The following ADGRL3 variants were observed in gnomAD, a reference collection of about 807,000 sequenced individuals.
ADGRL3 encodes the protein adhesion G protein-coupled receptor L3, also known as calcium-independent alpha-latrotoxin receptor 3.
In ADGRL3, 62 loss-of-function variants were observed where a neutral mutation model predicts 153.5. The ratio of observed to expected loss-of-function variants is 0.40; its 90% CI spans 0.33 to 0.50. ADGRL3 has a LOEUF of 0.50. Ranked by LOEUF, ADGRL3 falls within the 20% of genes least tolerant of loss-of-function variation. ADGRL3 has a pLI of 0.47. For synonymous variants in ADGRL3, 710 were observed against 672.5 expected, an observed-to-expected ratio of 1.06 and a Z score of -0.86; for missense variants, 1,641 against 1,859.4, an observed-to-expected ratio of 0.88 and a Z score of 2.16.
intron 1 of ADGRL3, among the ~76,000 whole-genome samples, chr4:61,323,861 C>T (rs974413137): frequency 6.6e-6 from 1 of 152,170 alleles, no homozygotes; most frequent in Non-Finnish European, 1.5e-5. Flanking sequence ...TCAGCAATGC[C>T]CCACTCCTGG....
At chr4:61,429,623 A>G (rs372095182) in intron 2 of ADGRL3, among the ~76,000 whole-genome samples, 82 of 152,202 alleles carry the variant, frequency 5.4e-4, no homozygotes, top group Middle Eastern at 3.4e-3. Context: ...AGCTCTATAA[A>G]TTTTCATGTA....
At chr4:61,677,823 G>A (rs990677740) in intron 6 of ADGRL3, among the ~76,000 whole-genome samples, 1 of 151,954 alleles carries the variant, frequency 6.6e-6, no homozygotes, top group Non-Finnish European at 1.5e-5. Flanking sequence ...TTCTAGGCTT[G>A]CCTCATTCAC....
At chr4:61,248,550 A>G (rs1234088916) in intron 1 of ADGRL3, among the ~76,000 whole-genome samples, 2 of 152,184 alleles carry the variant, frequency 1.3e-5, no homozygotes, top group Non-Finnish European at 2.9e-5. Flanking sequence ...ATTTATTTGT[A>G]GGTTGCTGAC....
chr4:61,655,259 A>G (rs1410302145), intron 5 of ADGRL3, among the ~76,000 whole-genome samples: 1 of 152,176 alleles, frequency 6.6e-6, no homozygotes, highest in African/African-American at 2.4e-5. Context: ...ATAGCTGACA[A>G]GTGACTAAGA....
At chr4:62,054,963 A>T (rs188925608) in intron 25 of ADGRL3, among the ~76,000 whole-genome samples, 1 of 151,776 alleles carries the variant, frequency 6.6e-6, no homozygotes, top group Non-Finnish European at 1.5e-5. Flanking sequence ...CAGTCTGACA[A>T]TGCTAAATCC....
intron 9 of ADGRL3, among the ~76,000 whole-genome samples, chr4:61,867,540 A>ATATATATATATATATATATAT (rs201200813): frequency 3.0e-3 from 391 of 131,680 alleles, no homozygotes; most frequent in Non-Finnish European, 4.4e-3. Context: ...ATATATATAT[A>ATATATATATATATATATATAT]ATTGTAGGAG....
intron 8 of ADGRL3, among the ~76,000 whole-genome samples, chr4:61,784,861 T>C (rs1235612609): frequency 6.6e-6 from 1 of 152,164 alleles, no homozygotes; most frequent in African/African-American, 2.4e-5. Context: ...GGTTCAAAAA[T>C]GGCTTCACTG....
chr4:61,946,393 C>T (rs1325353454), intron 15 of ADGRL3, among the ~76,000 whole-genome samples: 3 of 151,898 alleles, frequency 2.0e-5, no homozygotes, highest in Admixed American at 2.0e-4. Flanking sequence ...CATCTTTTGC[C>T]ATTTTAAGAT....
chr4:61,872,434 A>G (rs1249623316), intron 9 of ADGRL3, among the ~76,000 whole-genome samples: 4 of 149,118 alleles, frequency 2.7e-5, no homozygotes, highest in African/African-American at 9.9e-5. Context: ...CTTAATAAGA[A>G]GTGGTCTCTG....
chr4:61,647,172 C>G (rs111645507), intron 5 of ADGRL3, among the ~76,000 whole-genome samples: 60 of 152,232 alleles, frequency 3.9e-4, no homozygotes, highest in African/African-American at 1.4e-3. Flanking sequence ...CCTGCGCCCA[C>G]TGTCTGGCAC....
At chr4:62,065,869 A>G (rs536518597) in intron 25 of ADGRL3, among the ~76,000 whole-genome samples, 1 of 152,134 alleles carries the variant, frequency 6.6e-6, no homozygotes, top group South Asian at 2.1e-4. Flanking sequence ...AGAATTTTAA[A>G]TAATACTGTA....
intron 6 of ADGRL3, among the ~76,000 whole-genome samples, chr4:61,691,270 T>C (rs999302848): frequency 1.3e-5 from 2 of 152,196 alleles, no homozygotes; most frequent in African/African-American, 4.8e-5. Context: ...AATGTTGAAA[T>C]ACCTTATCTT....
intron 3 of ADGRL3, among the ~76,000 whole-genome samples, chr4:61,498,963 A>C (rs1303769300): frequency 6.6e-6 from 1 of 152,194 alleles, no homozygotes; most frequent in Non-Finnish European, 1.5e-5. Flanking sequence ...TAATTATAGC[A>C]AAGAAAAAAG....
intron 8 of ADGRL3, among the ~76,000 whole-genome samples, chr4:61,754,035 C>T (rs1439806397): frequency 6.6e-6 from 1 of 152,176 alleles, no homozygotes; most frequent in Non-Finnish European, 1.5e-5. Flanking sequence ...CGGGAAGTGA[C>T]CTTCCTTATT....
chr4:61,363,420 C>T (rs1416967832), intron 1 of ADGRL3, among the ~76,000 whole-genome samples: 3 of 151,824 alleles, frequency 2.0e-5, no homozygotes, highest in East Asian at 1.9e-4. Flanking sequence ...GGTAGTGACA[C>T]TCACTTGCTT....
intron 4 of ADGRL3, among the ~76,000 whole-genome samples, chr4:61,554,805 C>T (rs771814121): frequency 2.6e-5 from 4 of 152,090 alleles, no homozygotes; most frequent in African/African-American, 7.2e-5. Flanking sequence ...AACAGATTGA[C>T]GGAAGTTTAC....
intron 2 of ADGRL3, among the ~76,000 whole-genome samples, chr4:61,405,246 G>A (rs2096979855): frequency 6.6e-6 from 1 of 151,966 alleles, no homozygotes; most frequent in African/African-American, 2.4e-5. Context: ...ATTCCAGTAG[G>A]AAAGGAAACA....
intron 5 of ADGRL3, among the ~76,000 whole-genome samples, chr4:61,637,535 G>A (rs1044324164): frequency 3.9e-5 from 6 of 152,236 alleles, no homozygotes; most frequent in South Asian, 2.1e-4. Context: ...AAGCTAAGGC[G>A]GGCAGATCAC....
intron 6 of ADGRL3, among the ~76,000 whole-genome samples, chr4:61,694,179 ATTTTTTTTTTTTTTTTTTTTTTTTTTT>A (rs554084495): frequency 3.4e-4 from 9 of 26,710 alleles, no homozygotes; most frequent in African/African-American, 1.3e-3. Flanking sequence ...TTTTGTCATT[ATTTTTTTTTTTTTTTTTTTTTTTTTTT>A]TTTTTTTTTT....
Sources: gnomAD v4.1 joint callset for allele counts (sites outside exome capture counted in the v4.1 genomes callset) on GRCh38, gnomAD v4.1.1 for gene constraint, MANE v1.5 for transcripts, NCBI Gene and HGNC (gene_info 2026-07-23, HGNC 2026-07-21) for gene names.